GMDS: variants seen among roughly 807,000 people sequenced by gnomAD.
The protein encoded by GMDS is GDP-mannose 4,6-dehydratase, also known as GDP-mannose 4,6 dehydratase.
Under a neutral mutation model 49.9 loss-of-function variants are expected in GMDS, and 20 were observed. The observed-to-expected ratio is 0.40, with a 90% CI of 0.28 to 0.58. GMDS has a LOEUF of 0.58. Among genes scored for constraint, GMDS ranks in the 20% least tolerant of loss-of-function variants. GMDS has a pLI of 0.42. For synonymous variants in GMDS, 177 were observed against 178.6 expected (o/e 0.99, Z 0.07); for missense variants, 362 against 481.4 (o/e 0.75, Z 2.32).
At chr6:2,099,802 A>G (rs1773821793) in intron 4 of GMDS, among the ~76,000 whole-genome samples, 1 of 152,128 alleles carries the variant, frequency 6.6e-6, no homozygotes, top group African/African-American at 2.4e-5. Flanking sequence ...GAGAAAAACC[A>G]TTATATGCTA....
chr6:1,718,695 C>T (rs540181675), intron 9 of GMDS, among the ~76,000 whole-genome samples: 13 of 151,736 alleles, frequency 8.6e-5, no homozygotes, highest in Admixed American at 2.6e-4. Flanking sequence ...CTTACCTCTA[C>T]GGTAATGGAA....
At chr6:1,754,685 C>T (rs1176440603) in intron 7 of GMDS, among the ~76,000 whole-genome samples, 12 of 152,178 alleles carry the variant, frequency 7.9e-5, no homozygotes, top group Non-Finnish European at 1.5e-4. Context: ...CCACCACGAT[C>T]AAGTCGGCTT....
chr6:2,229,763 C>T (rs1046635332), intron 1 of GMDS, among the ~76,000 whole-genome samples: 6 of 152,194 alleles, frequency 3.9e-5, no homozygotes, highest in African/African-American at 1.4e-4. Context: ...CACAATCTTA[C>T]TACAACTAAA....
intron 9 of GMDS, among the ~76,000 whole-genome samples, chr6:1,700,876 G>A (rs2113364852): frequency 6.6e-6 from 1 of 152,194 alleles, no homozygotes; most frequent in South Asian, 2.1e-4. Flanking sequence ...GACCCTAACT[G>A]TACTTTAAAA....
At chr6:1,746,071 C>T (rs1204726383) in intron 7 of GMDS, among the ~76,000 whole-genome samples, 1 of 152,184 alleles carries the variant, frequency 6.6e-6, no homozygotes, top group Non-Finnish European at 1.5e-5. Context: ...ACAACTGAGG[C>T]AAAAGTTCAC....
intron 4 of GMDS, among the ~76,000 whole-genome samples, chr6:2,101,287 T>C (rs767523596): frequency 6.6e-6 from 1 of 150,704 alleles, no homozygotes; most frequent in Non-Finnish European, 1.5e-5. Flanking sequence ...CTTTCATAAG[T>C]AGCATGGTAA....
At chr6:1,687,419 G>A (rs1765014236) in intron 9 of GMDS, among the ~76,000 whole-genome samples, 1 of 152,242 alleles carries the variant, frequency 6.6e-6, no homozygotes, top group African/African-American at 2.4e-5. Flanking sequence ...ACAGGTGGTA[G>A]GTATCAAGGT....
chr6:1,624,207 C>A lies in GMDS; in HGVS notation c.1081G>T (p.Ala361Ser). 6.2e-7 allele frequency: 1 copy of A among 1,611,072 alleles called. No homozygotes were observed. Among genetic ancestry groups the A allele is most frequent in the Non-Finnish European group, 8.5e-7 (1 of 1,179,788 alleles). ...FDELVREMVH[A>S]DVELMRTNPN... Reference sequence around the variant, plus strand: ...TTTGTCCTCATGAGCTCCACGTCGGCGTGCACCATCTCCCTCACCAGCTCC... The same window carrying A: ...TTTGTCCTCATGAGCTCCACGTCGGAGTGCACCATCTCCCTCACCAGCTCC... The change falls in exon 11 of 11, where the codon GCC (alanine) becomes TCC (serine). Residue 361 changes from alanine (A) to serine (S), a missense_variant. Physicochemically the swap from Ala to Ser is moderately conservative, Grantham distance 99. Coordinates refer to ENST00000380815, the MANE Select transcript of GMDS (RefSeq NM_001500.4).
chr6:1,800,896 G>GA (rs1769923544), intron 7 of GMDS, among the ~76,000 whole-genome samples: 2 of 152,190 alleles, frequency 1.3e-5, no homozygotes, highest in Admixed American at 1.3e-4. Context: ...CACACCAAAA[G>GA]ATGTCAAGGT....
intron 1 of GMDS, among the ~76,000 whole-genome samples, chr6:2,125,343 G>A (rs560337574): frequency 2.4e-4 from 36 of 152,198 alleles, no homozygotes; most frequent in South Asian, 2.1e-4. Flanking sequence ...TGCCCAGGCT[G>A]GTGTCAAACT....
At chr6:2,128,919 T>C (rs1775591182) in intron 1 of GMDS, among the ~76,000 whole-genome samples, 1 of 152,146 alleles carries the variant, frequency 6.6e-6, no homozygotes, top group Non-Finnish European at 1.5e-5. Context: ...TGTTCAGTGT[T>C]GTTTGGAGGT....
At chr6:1,845,166 A>G (rs574509276) in intron 7 of GMDS, among the ~76,000 whole-genome samples, 4 of 152,336 alleles carry the variant, frequency 2.6e-5, no homozygotes, top group Non-Finnish European at 5.9e-5. Context: ...TCTGAGATTG[A>G]GGCAATTTGT....
intron 4 of GMDS, among the ~76,000 whole-genome samples, chr6:2,055,262 AAG>A (rs959934504): frequency 2.6e-5 from 4 of 151,646 alleles, no homozygotes; most frequent in Non-Finnish European, 5.9e-5. Context: ...AAGAAAAAAA[AAG>A]AGAGAGAGAG....
chr6:2,106,782 C>T (rs1304606365), intron 4 of GMDS, among the ~76,000 whole-genome samples: 1 of 151,078 alleles, frequency 6.6e-6, no homozygotes, highest in East Asian at 1.9e-4. Flanking sequence ...AGAATTGCTT[C>T]AACTCAGGAG....
intron 8 of GMDS, among the ~76,000 whole-genome samples, chr6:1,730,674 A>G (rs1207110980): frequency 6.6e-6 from 1 of 152,176 alleles, no homozygotes; most frequent in Non-Finnish European, 1.5e-5. Context: ...GCTGACAGTC[A>G]GGCCTATTTC....
rs115658942 is a variant in GMDS at position 1,915,282 on chromosome 6, C to T, written c.771+14821G>A. ...GCAAGCATTGTCAGCCAGGCCCTGG[C>T]AGAGGCTCACAGGGCTGAGAATAAA... On this transcript the variant is annotated intron_variant, in intron 7 of 10. Transcript: ENST00000380815. Among the ~76,000 whole-genome samples, 841 of 152,298 alleles carry T rather than the reference C, an allele frequency of 5.5e-3. 4 individuals carry two copies. Among genetic ancestry groups the T allele is most frequent in the African/African-American group, 0.02 (819 of 41,562 alleles).
At chr6:1,834,245 C>A (rs539569273) in intron 7 of GMDS, among the ~76,000 whole-genome samples, 3 of 151,946 alleles carry the variant, frequency 2.0e-5, no homozygotes, top group Non-Finnish European at 4.4e-5. Context: ...ATATTTAAAT[C>A]TAAAAGAGAT....
intron 7 of GMDS, among the ~76,000 whole-genome samples, chr6:1,898,191 AG>A (rs1204599512): frequency 6.6e-6 from 1 of 151,682 alleles, no homozygotes; most frequent in African/African-American, 2.4e-5. Flanking sequence ...TCTTCTGCTC[AG>A]GGTTCTCCAC....
chr6:2,056,309 A>G (rs1286244712), intron 4 of GMDS, among the ~76,000 whole-genome samples: 4 of 152,234 alleles, frequency 2.6e-5, no homozygotes, highest in African/African-American at 9.6e-5. Context: ...CAAAGGTGGT[A>G]AACAGTAAGG....
Sources: gnomAD v4.1 joint callset for allele counts (sites outside exome capture counted in the v4.1 genomes callset) on GRCh38, gnomAD v4.1.1 for gene constraint, MANE v1.5 for transcripts, NCBI Gene and HGNC (gene_info 2026-07-23, HGNC 2026-07-21) for gene names.